The following ZNF236 variants were observed in gnomAD, a reference collection of about 807,000 sequenced individuals.
ZNF236 encodes regulated by glucose.
Under a neutral mutation model 191.2 loss-of-function variants are expected in ZNF236, and 50 were observed. The observed-to-expected ratio is 0.26, with a 90% CI of 0.21 to 0.33. The LOEUF is 0.33. Among genes scored for constraint, ZNF236 ranks in the 10% least tolerant of loss-of-function variants. The probability of loss-of-function intolerance (pLI) is 1.00; values close to 1 mark genes in which losing one functional copy is unlikely to be tolerated. For synonymous variants in ZNF236, 907 were observed against 928.8 expected (o/e 0.98, Z 0.43); for missense variants, 1,754 against 2,374.5 (o/e 0.74, Z 5.43).
intron 11 of ZNF236, among the ~76,000 whole-genome samples, chr18:76,899,888 A>G (rs925868691): frequency 2.0e-5 from 3 of 152,190 alleles, no homozygotes; most frequent in African/African-American, 7.2e-5. Flanking sequence ...TCACAGTTCT[A>G]GAGGCTGGGA....
Position 76,971,710 on chromosome 18 carries a change from C to G in ZNF236, c.*3371C>G, listed in dbSNP as rs549718920. Among the ~76,000 whole-genome samples, 12 of 152,224 alleles carry G rather than the reference C, an allele frequency of 7.9e-5. No homozygotes were observed. Among genetic ancestry groups the G allele is most frequent in the African/African-American group, 2.6e-4 (11 of 41,532 alleles). ...AGAATATTTGTAACTCATTAAGATA[C>G]ACATTTTAACATGAAATGACCATCA... On this transcript the variant is annotated 3_prime_UTR_variant, in exon 31 of 31. Transcript: ENST00000320610.
At chr18:76,851,961 A>G (rs1568195488) in intron 3 of ZNF236, 22 bp downstream of exon 3, 1 of 1,592,164 alleles carries the variant, frequency 6.3e-7, no homozygotes, top group South Asian at 1.2e-5. Flanking sequence ...CATTTTGCAT[A>G]TACTTTGTTA....
intron 26 of ZNF236, among the ~76,000 whole-genome samples, chr18:76,940,356 G>A (rs1053346484): frequency 1.5e-5 from 2 of 131,852 alleles, no homozygotes; most frequent in African/African-American, 5.6e-5. Flanking sequence ...CACGGTGGGC[G>A]ACCCTAGCAT....
intron 21 of ZNF236, among the ~76,000 whole-genome samples, chr18:76,924,172 A>C (rs1967614535): frequency 6.6e-6 from 1 of 152,062 alleles, no homozygotes; most frequent in Non-Finnish European, 1.5e-5. Flanking sequence ...CCCTGTATTT[A>C]TCTCTTTTGT....
At chr18:76,935,756 G>C (rs953153091) in intron 25 of ZNF236, among the ~76,000 whole-genome samples, 5 of 152,334 alleles carry the variant, frequency 3.3e-5, no homozygotes, top group Admixed American at 3.3e-4. Flanking sequence ...GGTGTGTGGA[G>C]GGAATTTTAG....
chr18:76,911,185 C>T (rs1468205677), intron 16 of ZNF236, among the ~76,000 whole-genome samples: 1 of 152,142 alleles, frequency 6.6e-6, no homozygotes, highest in Admixed American at 6.6e-5. Flanking sequence ...ATAATGAATG[C>T]TGACGTTAAA....
intron 13 of ZNF236, among the ~76,000 whole-genome samples, chr18:76,907,317 C>T (rs921636277): frequency 2.0e-5 from 3 of 152,192 alleles, no homozygotes; most frequent in African/African-American, 7.2e-5. Context: ...TGTGCAGAGG[C>T]AGAAGAGGGG....
At chr18:76,902,993 C>T (rs531025699) in intron 11 of ZNF236, among the ~76,000 whole-genome samples, 1 of 152,140 alleles carries the variant, frequency 6.6e-6, no homozygotes, top group African/African-American at 2.4e-5. Flanking sequence ...GTCTTTGATA[C>T]AGCTCTGATT....
chr18:76,963,625 G>C (rs1372200771), intron 30 of ZNF236, among the ~76,000 whole-genome samples: 3 of 152,060 alleles, frequency 2.0e-5, no homozygotes, highest in African/African-American at 7.2e-5. Flanking sequence ...TCTCTGTCTT[G>C]TGGAATAGTG....
intron 17 of ZNF236, among the ~76,000 whole-genome samples, chr18:76,913,079 C>T (rs1465727669): frequency 3.3e-5 from 5 of 151,930 alleles, no homozygotes; most frequent in Admixed American, 2.0e-4. Flanking sequence ...AGTGTAGGGA[C>T]GTCACTAACC....
In ZNF236 at chr18:76,960,903, G is replaced by T. The variant is rs182123826; in HGVS notation, c.5419+48G>T. The stretch of plus-strand genomic sequence containing the variant: ...TGCGTGCTGTTCGGTGGCCTGCGAG[G>T]CACCCTGTGTTTCGCATACATTGTT... On this transcript the variant is annotated intron_variant, in intron 30 of 30. Transcript: ENST00000320610. The surrounding 1 kb of genome is among the most constrained non-coding windows in gnomAD (Gnocchi z 4.4). 153 of 1,549,754 alleles carry T rather than the reference G, an allele frequency of 9.9e-5. No homozygotes were observed. In the African/African-American group the frequency reaches 1.7e-3, roughly 17 times the overall value.
At chr18:76,874,226 T>C (rs560950601) in intron 5 of ZNF236, among the ~76,000 whole-genome samples, 2 of 152,346 alleles carry the variant, frequency 1.3e-5, no homozygotes, top group African/African-American at 4.8e-5. Context: ...TTTTTACCAT[T>C]TGTGTACTGT....
In ZNF236 at chr18:76,865,150, A is replaced by C. The variant is rs555375392; in HGVS notation, c.364-3535A>C. ...TCAGGAGTTCAAGACCAGCCTGGCCAACATGGTGAAGCCCCATCTCTACTA... is the reference window on the plus strand; with the variant it reads ...TCAGGAGTTCAAGACCAGCCTGGCCCACATGGTGAAGCCCCATCTCTACTA... On this transcript the variant is annotated intron_variant, in intron 3 of 30. Coordinates refer to ENST00000320610, the MANE Select transcript of ZNF236 (RefSeq NM_001306089.2). 2.6e-5 allele frequency among the ~76,000 whole-genome samples: 4 copies of C among 152,332 alleles called. No homozygotes were observed. In the South Asian group the frequency reaches 6.2e-4, roughly 24 times the overall value.
chr18:76,834,548 T>C, intron 1 of ZNF236: 1 of 493,818 alleles, frequency 2.0e-6, no homozygotes, highest in Non-Finnish European at 3.9e-6. Flanking sequence ...TTTAGCCTAG[T>C]GATAACCACC....
intron 25 of ZNF236, among the ~76,000 whole-genome samples, chr18:76,935,101 A>G (rs1337856778): frequency 6.6e-6 from 1 of 152,228 alleles, no homozygotes; most frequent in African/African-American, 2.4e-5. Context: ...TCATGCTAAG[A>G]GTATTTAATT....
Position 76,927,039 on chromosome 18 carries a change from G to T in ZNF236, c.4030G>T (p.Gly1344Trp). ...TCTCTTTCTCTTTCTCTGGCCAGCT[G>T]GGGGTGACCTGACCGTGTCTCTGAC... ...QAILPASVSAGGDLTVSLTDG... is the reference protein window; with the variant it reads ...QAILPASVSAWGDLTVSLTDG... The change falls in exon 23 of 31, where the codon GGG (glycine) becomes TGG (tryptophan). Residue 1344 changes from glycine to tryptophan, a missense_variant and splice_region_variant. This residue lies in a region of ZNF236 where 606 missense variants were observed against 761.5 expected (regional missense o/e 0.80). Coordinates refer to ENST00000320610, the MANE Select transcript of ZNF236 (RefSeq NM_001306089.2). The surrounding 1 kb of genome is among the most constrained non-coding windows in gnomAD (Gnocchi z 5.4). 6.2e-7 allele frequency: 1 copy of T among 1,606,628 alleles called. No individual in the cohort carries two copies. The highest frequency in any genetic ancestry group is 8.5e-7 in the Non-Finnish European group (1 of 1,174,108).
chr18:76,951,023 G>T (rs1476390607), intron 27 of ZNF236, among the ~76,000 whole-genome samples: 1 of 152,210 alleles, frequency 6.6e-6, no homozygotes, highest in African/African-American at 2.4e-5. Flanking sequence ...TGACCAGTAG[G>T]TCTCAGCAGT....
At position 76,875,746 on chromosome 18, in the gene ZNF236, T is replaced by G; in HGVS notation, c.840+82T>G. On this transcript the variant is annotated intron_variant, in intron 6 of 30. Transcript: ENST00000320610. This position sits in a 1 kb window ranked among gnomAD's most constrained non-coding sequence, Gnocchi z 4.3. ...GGGTTAATAAACGGACCTGAGAAATTCTTTTCCATTTAAAAAAATGCAGAT... is the reference window on the plus strand; with the variant it reads ...GGGTTAATAAACGGACCTGAGAAATGCTTTTCCATTTAAAAAAATGCAGAT... The G allele has an allele frequency of 2.3e-6, 3 of 1,281,882 alleles. No homozygotes were observed. In the East Asian group the frequency reaches 8.4e-5, roughly 36 times the overall value. 79.4% of individuals were successfully genotyped at this position (1,281,882 alleles called of 1,614,324 possible). A position where few individuals can be genotyped will look rare whatever the true frequency, so the allele number is the denominator to read the frequency against.
chr18:76,849,844 T>G (rs976628803), intron 2 of ZNF236, among the ~76,000 whole-genome samples, 176 bp downstream of exon 2: 2 of 152,266 alleles, frequency 1.3e-5, no homozygotes, highest in Non-Finnish European at 2.9e-5. Context: ...CTAGCTATTA[T>G]TTGATAAGGC....
Sources: gnomAD v4.1 joint callset for allele counts (sites outside exome capture counted in the v4.1 genomes callset) on GRCh38, gnomAD v4.1.1 for gene constraint, gnomAD v4.1.1 regional missense constraint, Gnocchi (gnomAD v3.1) non-coding constraint, MANE v1.5 for transcripts, NCBI Gene and HGNC (gene_info 2026-07-23, HGNC 2026-07-21) for gene names.